The following DIS3L2 variants were observed in gnomAD, a reference collection of about 807,000 sequenced individuals.
The protein encoded by DIS3L2 is DIS3 like 3'-5' exoribonuclease 2, also known as DIS3-like exonuclease 2.
DIS3L2 carries 34 observed loss-of-function variants against 97.5 expected under a neutral mutation model. That is an observed-to-expected ratio of 0.35 (90% CI 0.27 to 0.46). The LOEUF (loss-of-function observed/expected upper bound fraction) is 0.46, where lower values mean the gene tolerates loss of function less well. Among genes scored for constraint, DIS3L2 ranks in the 20% least tolerant of loss-of-function variants. The probability of loss-of-function intolerance (pLI) is 1.00; values close to 1 mark genes in which losing one functional copy is unlikely to be tolerated. For missense variants in DIS3L2, 1,038 were observed against 1,146.0 expected (o/e 0.91, Z 1.36); for synonymous variants, 435 against 445.2 (o/e 0.98, Z 0.29).
chr2:232,196,076 C>T (rs1691745078), intron 9 of DIS3L2, among the ~76,000 whole-genome samples: 1 of 152,006 alleles, frequency 6.6e-6, no homozygotes, highest in South Asian at 2.1e-4. Flanking sequence ...TATTGTCAAA[C>T]TTTTCTCACT....
intron 6 of DIS3L2, among the ~76,000 whole-genome samples, chr2:232,107,433 C>T (rs1424903431): frequency 1.3e-5 from 2 of 152,186 alleles, no homozygotes; most frequent in East Asian, 3.9e-4. Context: ...GGCGCAGTGG[C>T]TCACGCCTGT....
chr2:232,262,462 A>G (rs897751462), intron 12 of DIS3L2, among the ~76,000 whole-genome samples: 2 of 152,240 alleles, frequency 1.3e-5, no homozygotes, highest in Non-Finnish European at 2.9e-5. Flanking sequence ...CTTCAAGCCC[A>G]GTGGTTCTCA....
chr2:232,251,682 A>G (rs1038250010), intron 12 of DIS3L2, among the ~76,000 whole-genome samples: 5 of 152,244 alleles, frequency 3.3e-5, no homozygotes, highest in African/African-American at 1.2e-4. Flanking sequence ...GTGGACAAAG[A>G]AAAAAAGACA....
intron 5 of DIS3L2, among the ~76,000 whole-genome samples, chr2:232,070,147 C>T (rs964478049): frequency 6.6e-6 from 1 of 152,168 alleles, no homozygotes; most frequent in Non-Finnish European, 1.5e-5. Context: ...GAACTCTGTT[C>T]AAGTAGAAAT....
chr2:232,058,037 A>G (rs755569119), intron 5 of DIS3L2, among the ~76,000 whole-genome samples: 75 of 152,346 alleles, frequency 4.9e-4, no homozygotes, highest in South Asian at 1.9e-3. Flanking sequence ...ATAATCAAAT[A>G]GTTATGTTGT....
intron 9 of DIS3L2, among the ~76,000 whole-genome samples, chr2:232,207,466 A>T (rs1404198829): frequency 2.0e-5 from 3 of 152,218 alleles, no homozygotes; most frequent in Non-Finnish European, 4.4e-5. Context: ...CACGCATTCC[A>T]GGAGATCAGT....
At chr2:232,042,850 G>A (rs985067891) in intron 5 of DIS3L2, among the ~76,000 whole-genome samples, 5 of 152,182 alleles carry the variant, frequency 3.3e-5, no homozygotes, top group African/African-American at 9.7e-5. Context: ...TCATTGTAAC[G>A]AAAGAGTTAA....
intron 12 of DIS3L2, among the ~76,000 whole-genome samples, chr2:232,255,904 G>A (rs73102569): frequency 0.032 from 4,897 of 152,142 alleles, 108 homozygotes; most frequent in African/African-American, 0.046. Flanking sequence ...GTGTGTCATC[G>A]CTGCTTTGCT....
downstream of DIS3L2, among the ~76,000 whole-genome samples, chr2:232,340,275 C>T (rs542995359): frequency 4.1e-4 from 63 of 152,292 alleles, no homozygotes; most frequent in Admixed American, 8.5e-4. Flanking sequence ...GACTCCAAAG[C>T]CAGCAGCAGC....
chr2:232,304,124 C>G (rs762795689), intron 14 of DIS3L2, among the ~76,000 whole-genome samples: 3 of 151,774 alleles, frequency 2.0e-5, no homozygotes, highest in Non-Finnish European at 4.4e-5. Context: ...CCTCACACCC[C>G]CTGGCAGATG....
intron 10 of DIS3L2, among the ~76,000 whole-genome samples, chr2:232,211,648 T>C (rs1410232015): frequency 1.3e-5 from 2 of 152,220 alleles, no homozygotes; most frequent in East Asian, 1.9e-4. Context: ...GTTGATGGCC[T>C]AGTGGCCTAG....
chr2:231,988,018 T>C (rs918182322), intron 1 of DIS3L2, among the ~76,000 whole-genome samples: 2 of 152,142 alleles, frequency 1.3e-5, no homozygotes, highest in Non-Finnish European at 2.9e-5. Flanking sequence ...TAGTTTTGTA[T>C]TTTTAGTAGA....
chr2:232,210,385 C>T lies in DIS3L2; in HGVS notation c.1184C>T (p.Ser395Phe). The T allele has an allele frequency of 6.2e-7, 1 of 1,613,638 alleles. No homozygotes were observed. The change falls in exon 10 of 21, where the codon TCC (serine) becomes TTC (phenylalanine). Residue 395 changes from serine to phenylalanine, a missense_variant. Physicochemically the swap from Ser to Phe is radical, Grantham distance 155. Transcript: ENST00000325385. Reference protein sequence around the residue: ...STARDLDDALSCKPLADGNFK... With the variant: ...STARDLDDALFCKPLADGNFK... ...GCCCGAGACCTCGATGATGCCCTCT[C>T]CTGCAAGCCACTCGCTGACGGTAGG... is the stretch of plus-strand genomic sequence containing the variant.
At chr2:232,125,241 A>G (rs1488162861) in intron 6 of DIS3L2, among the ~76,000 whole-genome samples, 3 of 152,244 alleles carry the variant, frequency 2.0e-5, no homozygotes, top group Non-Finnish European at 4.4e-5. Flanking sequence ...AGTCATGAAC[A>G]GCATGTGCTT....
rs115583867 is a variant in DIS3L2, at chr2:232,112,468, A to G, written c.602-18151A>G. Among the ~76,000 whole-genome samples, 430 of 152,258 alleles carry G rather than the reference A, an allele frequency of 2.8e-3. 1 individual carries two copies. Among genetic ancestry groups the G allele is most frequent in the Non-Finnish European group, 4.7e-3 (319 of 68,014 alleles). Reference sequence around the variant, plus strand: ...TTAGTCCTTAAGAGGAGAGACCATAACAGATGTGCTCTGGATCTTGCCTGC... The same window carrying G: ...TTAGTCCTTAAGAGGAGAGACCATAGCAGATGTGCTCTGGATCTTGCCTGC... On this transcript the variant is annotated intron_variant, in intron 6 of 20. Transcript: ENST00000325385.
chr2:232,008,392 T>C (rs1008267252), intron 1 of DIS3L2, among the ~76,000 whole-genome samples: 2 of 152,102 alleles, frequency 1.3e-5, no homozygotes, highest in African/African-American at 4.8e-5. Context: ...ATTTTTTTTC[T>C]AAGTTTATTG....
At chr2:232,012,983 G>T (rs975649110) in intron 1 of DIS3L2, among the ~76,000 whole-genome samples, 8 of 152,082 alleles carry the variant, frequency 5.3e-5, no homozygotes, top group African/African-American at 1.9e-4. Context: ...CCATGTGGAG[G>T]CATATAATAC....
intron 11 of DIS3L2, 123 bp from the exon 12 acceptor site, chr2:232,249,116 C>A: frequency 1.2e-6 from 1 of 859,326 alleles, no homozygotes. Context: ...TCTTTGGGAA[C>A]AGAGCCACCT....
intron 10 of DIS3L2, among the ~76,000 whole-genome samples, chr2:232,221,946 T>A (rs922136460): frequency 6.6e-6 from 1 of 152,096 alleles, no homozygotes; most frequent in African/African-American, 2.4e-5. Flanking sequence ...ATTTCATTTC[T>A]TTTCTTTTTT....
Sources: allele counts gnomAD v4.1 joint callset (sites outside exome capture counted in the v4.1 genomes callset), GRCh38; gene constraint gnomAD v4.1.1; transcripts MANE v1.5; gene names NCBI Gene and HGNC (gene_info 2026-07-23, HGNC 2026-07-21).